The following NPAS3 variants were observed in gnomAD, a reference collection of about 807,000 sequenced individuals.
NPAS3 encodes neuronal PAS domain-containing protein 3.
Under a neutral mutation model 73.1 loss-of-function variants are expected in NPAS3, and 14 were observed. The ratio of observed to expected loss-of-function variants is 0.19; its 90% CI spans 0.13 to 0.30. The LOEUF is 0.30. Ranked by LOEUF, NPAS3 falls within the 10% of genes least tolerant of loss-of-function variation. The pLI, the probability that NPAS3 is intolerant of heterozygous loss-of-function variation, is 1.00. For synonymous variants in NPAS3, 620 were observed against 541.5 expected (o/e 1.14, Z -2.01); for missense variants, 1,096 against 1,250.0 (o/e 0.88, Z 1.86).
intron 8 of NPAS3, among the ~76,000 whole-genome samples, chr14:33,777,900 G>A (rs1291277018): frequency 6.6e-6 from 1 of 152,168 alleles, no homozygotes; most frequent in African/African-American, 2.4e-5. Context: ...AGTGAAAGCC[G>A]AGCTCCCAAA....
upstream of NPAS3, among the ~76,000 whole-genome samples, chr14:32,937,671 TCG>T (rs2035740746): frequency 6.6e-6 from 1 of 152,132 alleles, no homozygotes; most frequent in Non-Finnish European, 1.5e-5. Context: ...TTTACTGGAG[TCG>T]TAGAGACCGA....
intron 1 of NPAS3, among the ~76,000 whole-genome samples, chr14:32,988,030 G>T (rs887858613): frequency 6.6e-6 from 1 of 152,028 alleles, no homozygotes; most frequent in Non-Finnish European, 1.5e-5. Flanking sequence ...ATCAATAGGA[G>T]AAAATGGAAG....
At chr14:33,102,527 A>G (rs562604303) in intron 2 of NPAS3, among the ~76,000 whole-genome samples, 2 of 152,304 alleles carry the variant, frequency 1.3e-5, no homozygotes, top group African/African-American at 4.8e-5. Flanking sequence ...AATCATGTGA[A>G]GTACCTGGCA....
At chr14:33,060,317 A>C (rs1441325884) in intron 2 of NPAS3, among the ~76,000 whole-genome samples, 1 of 152,202 alleles carries the variant, frequency 6.6e-6, no homozygotes, top group Non-Finnish European at 1.5e-5. Context: ...AGCCAAGAAC[A>C]ATCCGTTCAC....
At chr14:33,498,658 A>AGG (rs2052337619) in intron 4 of NPAS3, among the ~76,000 whole-genome samples, 1 of 151,662 alleles carries the variant, frequency 6.6e-6, no homozygotes, top group Non-Finnish European at 1.5e-5. Context: ...ACATGGACAC[A>AGG]GAGGGGAACA....
intron 3 of NPAS3, among the ~76,000 whole-genome samples, chr14:33,350,254 A>G (rs1252777825): frequency 3.3e-5 from 5 of 152,240 alleles, no homozygotes; most frequent in Non-Finnish European, 5.9e-5. Context: ...ATAAATAGCC[A>G]TGGAGAGTGT....
At chr14:33,201,698 G>A (rs756266029) in intron 2 of NPAS3, among the ~76,000 whole-genome samples, 14 of 152,186 alleles carry the variant, frequency 9.2e-5, no homozygotes, top group Non-Finnish European at 1.6e-4. Flanking sequence ...CACATTTTGT[G>A]TATTTCGACC....
In NPAS3 at chr14:33,696,592, T is replaced by C. The variant is rs992434307; in HGVS notation, c.733+20207T>C. On this transcript the variant is annotated intron_variant, in intron 6 of 11. Coordinates refer to ENST00000356141, the Ensembl canonical transcript of NPAS3. ...GGTGGACAGCAGCCTCCTGGATTTTTATACTCTAATACCATATCCATAGCA... is the reference window on the plus strand; with the variant it reads ...GGTGGACAGCAGCCTCCTGGATTTTCATACTCTAATACCATATCCATAGCA... 1.3e-4 allele frequency among the ~76,000 whole-genome samples: 20 copies of C among 152,326 alleles called. 1 individual carries two copies. Among genetic ancestry groups the C allele is most frequent in the Admixed American group, 4.6e-4 (7 of 15,296 alleles).
intron 4 of NPAS3, among the ~76,000 whole-genome samples, chr14:33,388,054 C>T (rs2046844025): frequency 6.6e-6 from 1 of 151,964 alleles, no homozygotes; most frequent in Non-Finnish European, 1.5e-5. Flanking sequence ...TGAGTAGGAC[C>T]TTCACTGGTG....
chr14:33,640,362 A>C (rs2058644167), intron 5 of NPAS3, among the ~76,000 whole-genome samples: 1 of 152,324 alleles, frequency 6.6e-6, no homozygotes, highest in African/African-American at 2.4e-5. Context: ...TTTTCCTGGA[A>C]GATCTACCTG....
At chr14:33,718,197 T>C (rs2061009141) in intron 6 of NPAS3, among the ~76,000 whole-genome samples, 1 of 152,136 alleles carries the variant, frequency 6.6e-6, no homozygotes, top group Non-Finnish European at 1.5e-5. Flanking sequence ...TTCCTTAATG[T>C]GCCTGGGTTC....
At chr14:33,027,735 C>G (rs1466277583) in intron 1 of NPAS3, among the ~76,000 whole-genome samples, 1 of 152,038 alleles carries the variant, frequency 6.6e-6, no homozygotes, top group Non-Finnish European at 1.5e-5. Flanking sequence ...TCTATGCTAC[C>G]CTTTAATAAG....
intron 5 of NPAS3, among the ~76,000 whole-genome samples, chr14:33,646,363 T>TGTAAGAAAAGG (rs1369090207): frequency 1.3e-5 from 2 of 152,176 alleles, no homozygotes; most frequent in Non-Finnish European, 2.9e-5. Flanking sequence ...CTTAAATTTA[T>TGTAAGAAAAGG]TTAAGACCCA....
chr14:33,631,338 C>T (rs1017323881), intron 5 of NPAS3, among the ~76,000 whole-genome samples: 1 of 152,156 alleles, frequency 6.6e-6, no homozygotes, highest in Non-Finnish European at 1.5e-5. Flanking sequence ...AGTTTGTGTG[C>T]ACCTGGATTG....
In NPAS3 at chr14:33,568,075, G is replaced by A. The variant is rs989986602; in HGVS notation, c.558+7865G>A. Among the ~76,000 whole-genome samples, 14 of 152,074 alleles carry A rather than the reference G, an allele frequency of 9.2e-5. 1 individual carries two copies. Among genetic ancestry groups the A allele is most frequent in the Non-Finnish European group, 4.4e-5 (3 of 67,996 alleles). The stretch of plus-strand genomic sequence containing the variant: ...ACTTAAAGTGAGCAAGACAAAAAAA[G>A]GAAGATGGAGTATTCTTCATTTTAT... On this transcript the variant is annotated intron_variant, in intron 5 of 11. Coordinates refer to ENST00000356141, the Ensembl canonical transcript of NPAS3.
At chr14:33,491,682 T>C (rs12897777) in intron 4 of NPAS3, among the ~76,000 whole-genome samples, 7,328 of 152,294 alleles carry the variant, frequency 0.048, 222 homozygotes, top group Non-Finnish European at 0.074. Flanking sequence ...TAAAATATTT[T>C]GTATTAGAAA....
intron 4 of NPAS3, among the ~76,000 whole-genome samples, chr14:33,391,512 C>T (rs1310001001): frequency 6.6e-6 from 1 of 152,114 alleles, no homozygotes. Flanking sequence ...TCTTAATTCA[C>T]TACCAACGTT....
intron 2 of NPAS3, among the ~76,000 whole-genome samples, chr14:33,196,289 T>C (rs557783471): frequency 6.6e-5 from 10 of 152,344 alleles, no homozygotes; most frequent in African/African-American, 2.4e-4. Flanking sequence ...CAAATCACTT[T>C]TATACATACA....
At chr14:32,999,208 A>G (rs927495022) in intron 1 of NPAS3, among the ~76,000 whole-genome samples, 1 of 152,156 alleles carries the variant, frequency 6.6e-6, no homozygotes, top group Non-Finnish European at 1.5e-5. Context: ...TTAGATGGGT[A>G]TTATTATAAA....
Sources: gnomAD v4.1 joint callset for allele counts (sites outside exome capture counted in the v4.1 genomes callset) on GRCh38, gnomAD v4.1.1 for gene constraint, MANE v1.5 for transcripts, NCBI Gene and HGNC (gene_info 2026-07-23, HGNC 2026-07-21) for gene names.